Variants in AFF3 observed in about 807,000 individuals in gnomAD.
AFF3 encodes the protein AF4/FMR2 family member 3.
Under a neutral mutation model 129.7 loss-of-function variants are expected in AFF3, and 32 were observed. The ratio of observed to expected loss-of-function variants is 0.25; its 90% CI spans 0.19 to 0.33. The LOEUF is 0.33. Among genes scored for constraint, AFF3 ranks in the 10% least tolerant of loss-of-function variants. The probability of loss-of-function intolerance (pLI) is 1.00; values close to 1 mark genes in which losing one functional copy is unlikely to be tolerated. For synonymous variants in AFF3, 644 were observed against 635.4 expected (o/e 1.01, Z -0.20); for missense variants, 1,373 against 1,592.0 (o/e 0.86, Z 2.34).
chr2:99,886,066 T>C (rs996031205), intron 7 of AFF3, among the ~76,000 whole-genome samples: 5 of 152,226 alleles, frequency 3.3e-5, no homozygotes, highest in Admixed American at 2.6e-4. Context: ...AAACAAGTCC[T>C]GAACAAAGTG....
intron 17 of AFF3, among the ~76,000 whole-genome samples, chr2:99,582,256 T>G (rs1243355169): frequency 1.3e-5 from 2 of 152,170 alleles, no homozygotes. Context: ...AAGATCACAC[T>G]GCAGCTAAGA....
At chr2:100,084,321 T>C (rs1240172231) in intron 4 of AFF3, among the ~76,000 whole-genome samples, 1 of 152,224 alleles carries the variant, frequency 6.6e-6, no homozygotes, top group Admixed American at 6.5e-5. Context: ...GCATATTAGC[T>C]CATTTAATCC....
intron 2 of AFF3, chr2:100,106,043 C>G (rs1300401401): frequency 7.6e-7 from 1 of 1,316,900 alleles, no homozygotes; most frequent in Non-Finnish European, 1.0e-6. Context: ...CACCCACCTC[C>G]GAATGAGGAT....
At chr2:100,132,013 C>A (rs1228135466) in intron 1 of AFF3, among the ~76,000 whole-genome samples, 1 of 152,126 alleles carries the variant, frequency 6.6e-6, no homozygotes, top group Non-Finnish European at 1.5e-5. Context: ...GACCGGCCCG[C>A]CACACACTCC....
In AFF3 at chr2:99,958,021, T is replaced by C. The variant is rs1209924130; in HGVS notation, c.873+48611A>G. On this transcript the variant is annotated intron_variant, in intron 7 of 24. Transcript: ENST00000672756. The stretch of plus-strand genomic sequence containing the variant: ...AGTTTTACCCCTAGAATGAGGAAAC[T>C]GGTCATTGTGATGCATCCTGCCCCA... Among the ~76,000 whole-genome samples the C allele has an allele frequency of 2.6e-5, 4 of 152,310 alleles. No homozygotes were observed. The South Asian group carries it at 6.2e-4, about 24-fold the overall frequency.
chr2:100,040,011 A>G (rs1685290180), intron 4 of AFF3, among the ~76,000 whole-genome samples: 1 of 152,146 alleles, frequency 6.6e-6, no homozygotes, highest in African/African-American at 2.4e-5. Flanking sequence ...TCCAATGCAG[A>G]TTCACTACCT....
intron 10 of AFF3, among the ~76,000 whole-genome samples, chr2:99,735,579 G>A (rs776069069): frequency 6.7e-6 from 1 of 150,194 alleles, no homozygotes; most frequent in Non-Finnish European, 1.5e-5. Flanking sequence ...AGCAACCTCC[G>A]CCTCCCAGGC....
At chr2:99,596,369 C>G (rs1318075361) in intron 14 of AFF3, among the ~76,000 whole-genome samples, 1 of 152,196 alleles carries the variant, frequency 6.6e-6, no homozygotes, top group Non-Finnish European at 1.5e-5. Flanking sequence ...CTCACCTCCC[C>G]TGAGATTAGC....
chr2:99,906,060 C>G (rs1470066657), intron 7 of AFF3, among the ~76,000 whole-genome samples: 10 of 152,192 alleles, frequency 6.6e-5, no homozygotes, highest in Non-Finnish European at 1.2e-4. Context: ...ATACTCTGAC[C>G]TATTCCTACT....
At chr2:100,099,524 C>T (rs1175815327) in intron 4 of AFF3, among the ~76,000 whole-genome samples, 4 of 151,934 alleles carry the variant, frequency 2.6e-5, no homozygotes, top group African/African-American at 7.2e-5. Flanking sequence ...TTTCTATTCA[C>T]AGTCTTCCCA....
At chr2:99,567,686 C>T (rs888228773) in intron 19 of AFF3, among the ~76,000 whole-genome samples, 4 of 152,172 alleles carry the variant, frequency 2.6e-5, no homozygotes, top group East Asian at 1.9e-4. Flanking sequence ...TGCAAAGGCC[C>T]GCTGGCTGGC....
intron 4 of AFF3, among the ~76,000 whole-genome samples, chr2:100,075,234 C>T (rs557847479): frequency 1.3e-5 from 2 of 152,194 alleles, no homozygotes; most frequent in South Asian, 4.1e-4. Flanking sequence ...CCAGGTAAAC[C>T]AGGGCAAACA....
chr2:99,652,457 T>C (rs946006177), intron 12 of AFF3, among the ~76,000 whole-genome samples: 4 of 152,106 alleles, frequency 2.6e-5, no homozygotes, highest in Non-Finnish European at 5.9e-5. Context: ...AAAGGGTGCC[T>C]GCAGAGAAAC....
intron 11 of AFF3, among the ~76,000 whole-genome samples, chr2:99,722,864 G>C (rs1487921758): frequency 6.6e-6 from 1 of 152,118 alleles, no homozygotes; most frequent in Non-Finnish European, 1.5e-5. Context: ...AGCCATTACA[G>C]CTGTGGCTTT....
intron 13 of AFF3, among the ~76,000 whole-genome samples, chr2:99,646,251 C>T (rs560020880): frequency 4.6e-5 from 7 of 152,282 alleles, no homozygotes; most frequent in Admixed American, 1.3e-4. Context: ...GAAATGAGCC[C>T]ATGGATGAGC....
intron 18 of AFF3, among the ~76,000 whole-genome samples, chr2:99,569,974 C>T (rs1264027626): frequency 6.6e-6 from 1 of 152,194 alleles, no homozygotes; most frequent in Non-Finnish European, 1.5e-5. Flanking sequence ...GGTCAAAACG[C>T]TTAGAAAAGC....
intron 7 of AFF3, among the ~76,000 whole-genome samples, chr2:99,867,857 G>T (rs983565830): frequency 6.6e-6 from 1 of 152,148 alleles, no homozygotes; most frequent in African/African-American, 2.4e-5. Flanking sequence ...GGGCATTCCA[G>T]ACTCTGGGTG....
intron 2 of AFF3, chr2:100,106,931 C>T: frequency 2.0e-6 from 2 of 985,414 alleles, no homozygotes; most frequent in Non-Finnish European, 2.4e-6. Flanking sequence ...CATGAAAGGC[C>T]TCTCCCAAAA....
At chr2:99,727,194 T>C (rs1679432522) in intron 10 of AFF3, 66 bp from the exon 11 acceptor site, 3 of 1,414,958 alleles carry the variant, frequency 2.1e-6, no homozygotes, top group South Asian at 1.3e-5. Flanking sequence ...TTAAGAGAGA[T>C]TAAATATATT....
Sources: allele counts gnomAD v4.1 joint callset (sites outside exome capture counted in the v4.1 genomes callset), GRCh38; gene constraint gnomAD v4.1.1; transcripts MANE v1.5; gene names NCBI Gene and HGNC (gene_info 2026-07-23, HGNC 2026-07-21).